The following FAM240A variants were observed in gnomAD, a reference collection of about 807,000 sequenced individuals.
FAM240A encodes protein FAM240A.
Under a neutral mutation model 7.3 loss-of-function variants are expected in FAM240A, and 8 were observed. That is an observed-to-expected ratio of 1.09 (90% confidence interval 0.64 to 1.97). The LOEUF (loss-of-function observed/expected upper bound fraction) is 1.97. Among genes scored for constraint, FAM240A ranks in the 30% most tolerant of loss-of-function variants. FAM240A has a pLI of 0.00. For synonymous variants in FAM240A, 32 were observed against 35.9 expected (o/e 0.89, Z 0.38); for missense variants, 90 against 102.2 (o/e 0.88, Z 0.52).
chr3:46,613,136 C>T (rs960104102), intron 1 of FAM240A, among the ~76,000 whole-genome samples: 1 of 152,164 alleles, frequency 6.6e-6, no homozygotes, highest in Non-Finnish European at 1.5e-5. Context: ...GTGAAATTCA[C>T]TCATATAAAA....
At chr3:46,623,767 T>C (rs1170050390) in intron 2 of FAM240A, among the ~76,000 whole-genome samples, 4 of 152,228 alleles carry the variant, frequency 2.6e-5, no homozygotes. Context: ...TTTGTCTTCA[T>C]ATTTAAAGTG....
intron 2 of FAM240A, among the ~76,000 whole-genome samples, chr3:46,618,746 A>G (rs564655937): frequency 2.0e-5 from 3 of 152,074 alleles, no homozygotes; most frequent in African/African-American, 7.2e-5. Context: ...AGGCTGAGGC[A>G]GGAGAATCAC....
At chr3:46,617,727 G>A (rs1223170172) in intron 2 of FAM240A, among the ~76,000 whole-genome samples, 1 of 152,214 alleles carries the variant, frequency 6.6e-6, no homozygotes. Context: ...TGGGGCAGGG[G>A]TGGGGGTACA....
rs181007264 is a variant in FAM240A, at chr3:46,617,207, C to A, written c.40C>A (p.Arg14=). The change falls in exon 2 of 3, where the codon CGG becomes AGG. Residue 14 remains arginine (R), a synonymous_variant. Coordinates refer to ENST00000640551, the MANE Select transcript of FAM240A (RefSeq NM_001195442.2). The part of the protein sequence containing the change: ...FSGMNNQYTR[R]EVFCRNTCHD... ...GGGGATGAACAATCAATACACCCGTCGGGAGGTCTTCTGCCGGAACACCTG... is the reference window on the plus strand; with the variant it reads ...GGGGATGAACAATCAATACACCCGTAGGGAGGTCTTCTGCCGGAACACCTG... 3.3e-6 allele frequency: 5 copies of A among 1,533,804 alleles called. No homozygotes were observed. The highest frequency in any genetic ancestry group is 1.2e-5 in the South Asian group (1 of 83,648).
chr3:46,612,600 G>T lies in FAM240A; in HGVS notation c.-84G>T. On this transcript the variant is annotated 5_prime_UTR_variant, in exon 1 of 3. Coordinates refer to ENST00000640551, the MANE Select transcript of FAM240A (RefSeq NM_001195442.2). Reference sequence around the variant, plus strand: ...CTTGTTGATTTGCTGAACGTGAATTGGCTCCTGGGGCAGCACAGATGCCTC... The same window carrying T: ...CTTGTTGATTTGCTGAACGTGAATTTGCTCCTGGGGCAGCACAGATGCCTC... 1.9e-6 allele frequency: 2 copies of T among 1,048,374 alleles called. No individual in the cohort carries two copies. Among genetic ancestry groups the T allele is most frequent in the Non-Finnish European group, 2.9e-6 (2 of 701,702 alleles). The allele number at this position is 1,048,374 out of a possible 1,614,324, so 64.9% of individuals were successfully genotyped here.
intron 2 of FAM240A, 34 bp from the exon 3 acceptor site, chr3:46,625,094 A>G (rs1697741481): frequency 2.1e-6 from 3 of 1,454,522 alleles, no homozygotes; most frequent in Admixed American, 2.0e-5. Flanking sequence ...ATGGAAATGA[A>G]TGCTCCATCT....
chr3:46,616,710 C>T (rs1462621625), intron 1 of FAM240A, among the ~76,000 whole-genome samples: 1 of 151,688 alleles, frequency 6.6e-6, no homozygotes, highest in Non-Finnish European at 1.5e-5. Flanking sequence ...CACACACACA[C>T]ACACACACAC....
intron 1 of FAM240A, among the ~76,000 whole-genome samples, chr3:46,613,505 A>AAATAAATAAATAAATT (rs1207873118): frequency 2.0e-5 from 3 of 151,072 alleles, no homozygotes. Flanking sequence ...ATAAATAAAT[A>AAATAAATAAATAAATT]AATAAATAAA....
At chr3:46,624,963 T>TTATATATATATATATATATATATATA (rs10539495) in intron 2 of FAM240A, among the ~76,000 whole-genome samples, 165 bp from the exon 3 acceptor site, 9 of 146,636 alleles carry the variant, frequency 6.1e-5, no homozygotes, top group African/African-American at 2.0e-4. Flanking sequence ...TATGAATAAA[T>TTATATATATATATATATATATATATA]TATATATATA....
At chr3:46,618,466 A>G (rs992818618) in intron 2 of FAM240A, among the ~76,000 whole-genome samples, 3 of 152,190 alleles carry the variant, frequency 2.0e-5, no homozygotes, top group Admixed American at 1.3e-4. Context: ...GCAGAAACCA[A>G]AGGCTCCAAG....
intron 1 of FAM240A, among the ~76,000 whole-genome samples, chr3:46,614,134 G>T (rs902920930): frequency 5.9e-5 from 9 of 152,034 alleles, no homozygotes; most frequent in Admixed American, 3.3e-4. Flanking sequence ...ATGTTGCCCA[G>T]CCTGGTCTCA....
chr3:46,616,192 C>T (rs1697627311), intron 1 of FAM240A, among the ~76,000 whole-genome samples: 1 of 152,206 alleles, frequency 6.6e-6, no homozygotes, highest in South Asian at 2.1e-4. Flanking sequence ...TCCTGACAAC[C>T]AGCCAGCAGC....
intron 2 of FAM240A, among the ~76,000 whole-genome samples, chr3:46,620,826 G>T (rs921524213): frequency 6.6e-6 from 1 of 152,180 alleles, no homozygotes; most frequent in African/African-American, 2.4e-5. Context: ...TGAACCAATG[G>T]AATATTTATT....
intron 2 of FAM240A, among the ~76,000 whole-genome samples, chr3:46,622,250 C>T (rs1280442256): frequency 2.0e-5 from 3 of 151,206 alleles, no homozygotes; most frequent in East Asian, 1.9e-4. Flanking sequence ...GGACTACAGG[C>T]GCCCGCCACC....
At chr3:46,618,268 C>T (rs897966478) in intron 2 of FAM240A, among the ~76,000 whole-genome samples, 1 of 152,216 alleles carries the variant, frequency 6.6e-6, no homozygotes, top group Non-Finnish European at 1.5e-5. Flanking sequence ...GCCTTATTCC[C>T]GACTACCATC....
chr3:46,619,403 G>C (rs1697670955), intron 2 of FAM240A, among the ~76,000 whole-genome samples: 1 of 152,190 alleles, frequency 6.6e-6, no homozygotes, highest in African/African-American at 2.4e-5. Context: ...TAAGAGGGAT[G>C]CTGGAGAGTT....
chr3:46,623,610 A>G (rs1191653373), intron 2 of FAM240A, among the ~76,000 whole-genome samples: 1 of 152,180 alleles, frequency 6.6e-6, no homozygotes, highest in Non-Finnish European at 1.5e-5. Context: ...ATCTTGATGA[A>G]TTGACCCTCT....
intron 2 of FAM240A, among the ~76,000 whole-genome samples, chr3:46,622,728 G>A (rs1373448699): frequency 1.3e-5 from 2 of 152,072 alleles, no homozygotes; most frequent in African/African-American, 4.8e-5. Context: ...CTGTCCCATT[G>A]ATCTATTTGT....
At chr3:46,618,908 CACACACACACATAT>C (rs1559438882) in intron 2 of FAM240A, among the ~76,000 whole-genome samples, 31 of 150,744 alleles carry the variant, frequency 2.1e-4, no homozygotes, top group Non-Finnish European at 4.4e-4. Flanking sequence ...CACACACACA[CACACACACACATAT>C]GCAGTATCTA....
Sources: gnomAD v4.1 joint callset for allele counts (sites outside exome capture counted in the v4.1 genomes callset) on GRCh38, gnomAD v4.1.1 for gene constraint, MANE v1.5 for transcripts, NCBI Gene and HGNC (gene_info 2026-07-23, HGNC 2026-07-21) for gene names.